Variants in LPP observed in about 807,000 individuals in gnomAD.
LPP encodes lipoma-preferred partner.
A neutral mutation model predicts 60.4 loss-of-function variants in LPP; 38 were observed. The observed-to-expected ratio is 0.63, with a 90% confidence interval of 0.49 to 0.83. The LOEUF is 0.83. Among genes scored for constraint, LPP ranks in the 40% least tolerant of loss-of-function variants. LPP has a pLI of 0.00. For missense variants in LPP, 902 were observed against 783.6 expected (o/e 1.15, Z -1.80); for synonymous variants, 328 against 290.8 (o/e 1.13, Z -1.30).
chr3:188,311,206 G>A (rs959464546), intron 2 of LPP, among the ~76,000 whole-genome samples: 1 of 147,800 alleles, frequency 6.8e-6, no homozygotes, highest in African/African-American at 2.5e-5. Flanking sequence ...CTCTCTCTCT[G>A]TCTACTGTCA....
chr3:188,695,480 G>A (rs1863044723), intron 7 of LPP, among the ~76,000 whole-genome samples: 1 of 152,174 alleles, frequency 6.6e-6, no homozygotes. Context: ...GACAGACTGT[G>A]TGTGAGCATT....
intron 8 of LPP, among the ~76,000 whole-genome samples, chr3:188,757,762 A>G (rs1416325065): frequency 6.6e-6 from 1 of 152,170 alleles, no homozygotes; most frequent in East Asian, 1.9e-4. Context: ...TGGATTGGTA[A>G]TCCATTTACT....
intron 6 of LPP, among the ~76,000 whole-genome samples, chr3:188,602,784 T>A (rs1841653769): frequency 6.6e-6 from 1 of 151,068 alleles, no homozygotes; most frequent in African/African-American, 2.4e-5. Context: ...GTTGTTCAGA[T>A]GAAGAGTCAG....
At chr3:188,381,258 T>A (rs2148545858) in intron 3 of LPP, among the ~76,000 whole-genome samples, 1 of 152,362 alleles carries the variant, frequency 6.6e-6, no homozygotes, top group South Asian at 2.1e-4. Context: ...TGCTCCTTTT[T>A]GACCTTTACT....
chr3:188,702,661 G>A (rs1002579421), intron 7 of LPP, among the ~76,000 whole-genome samples: 6 of 152,134 alleles, frequency 3.9e-5, no homozygotes, highest in African/African-American at 1.4e-4. Flanking sequence ...ATCATATAAC[G>A]TTAACTTGCC....
intron 9 of LPP, among the ~76,000 whole-genome samples, chr3:188,808,468 T>C (rs775962035): frequency 6.6e-6 from 1 of 152,080 alleles, no homozygotes. Flanking sequence ...TCTTTTCCCC[T>C]ACCTATGATG....
At chr3:188,336,151 G>C (rs1245225632) in intron 2 of LPP, among the ~76,000 whole-genome samples, 2 of 152,032 alleles carry the variant, frequency 1.3e-5, no homozygotes, top group Non-Finnish European at 2.9e-5. Flanking sequence ...TTAGCCAAGG[G>C]GACTGCTCTT....
intron 2 of LPP, among the ~76,000 whole-genome samples, chr3:188,250,566 C>T (rs1728757322): frequency 6.6e-6 from 1 of 152,170 alleles, no homozygotes; most frequent in Admixed American, 6.5e-5. Context: ...CCTAAACCAG[C>T]ATTTACTATG....
At chr3:188,503,524 T>G (rs1812542878) in intron 5 of LPP, among the ~76,000 whole-genome samples, 1 of 152,198 alleles carries the variant, frequency 6.6e-6, no homozygotes, top group Non-Finnish European at 1.5e-5. Context: ...CTGACATCTG[T>G]ATTTCTTTGT....
chr3:188,812,504 A>G (rs1281341357), intron 9 of LPP, among the ~76,000 whole-genome samples: 1 of 152,190 alleles, frequency 6.6e-6, no homozygotes, highest in Non-Finnish European at 1.5e-5. Flanking sequence ...AAGAACTGAA[A>G]AAAGCACAAT....
At position 188,217,510 on chromosome 3, in the gene LPP, G is replaced by A. The variant is rs536058037; in HGVS notation, c.-189-7895G>A. On this transcript the variant is annotated intron_variant, in intron 1 of 11. Transcript: ENST00000617246. This position sits in a 1 kb window ranked among gnomAD's most constrained non-coding sequence, Gnocchi z 4.0. ...TGTGGAGGGAACCTGATAGTAAAAGGGAGTCAAGGGTAGAAGCAAGAAGGT... is the reference window on the plus strand; with the variant it reads ...TGTGGAGGGAACCTGATAGTAAAAGAGAGTCAAGGGTAGAAGCAAGAAGGT... 9.2e-5 allele frequency among the ~76,000 whole-genome samples: 14 copies of A among 152,254 alleles called. No individual in the cohort carries two copies. The highest frequency in any genetic ancestry group is 3.4e-4 in the African/African-American group (14 of 41,536).
chr3:188,556,013 C>T (rs1829379079), intron 6 of LPP, among the ~76,000 whole-genome samples: 4 of 151,974 alleles, frequency 2.6e-5, no homozygotes, highest in Admixed American at 2.6e-4. Flanking sequence ...CAGTGGTGTC[C>T]AGAAATGAAG....
At chr3:188,325,098 A>G (rs1193139403) in intron 2 of LPP, among the ~76,000 whole-genome samples, 1 of 151,938 alleles carries the variant, frequency 6.6e-6, no homozygotes, top group Admixed American at 6.6e-5. Context: ...CTCCTGCCTC[A>G]GCCTCCCGAG....
At chr3:188,242,261 T>G (rs552981546) in intron 2 of LPP, among the ~76,000 whole-genome samples, 1 of 152,294 alleles carries the variant, frequency 6.6e-6, no homozygotes, top group African/African-American at 2.4e-5. Context: ...TCAACCTATT[T>G]CTAACTTATA....
At chr3:188,770,687 G>A (rs535808994) in intron 9 of LPP, among the ~76,000 whole-genome samples, 1 of 152,218 alleles carries the variant, frequency 6.6e-6, no homozygotes, top group African/African-American at 2.4e-5. Flanking sequence ...AATCTTAAAA[G>A]TAAACCTGAA....
intron 9 of LPP, among the ~76,000 whole-genome samples, chr3:188,806,977 A>AT (rs1749343963): frequency 6.6e-6 from 1 of 151,796 alleles, no homozygotes; most frequent in African/African-American, 2.4e-5. Context: ...TCAGCACTTT[A>AT]TTTTTTTGTA....
intron 7 of LPP, among the ~76,000 whole-genome samples, chr3:188,639,171 T>C (rs934483272): frequency 1.3e-5 from 2 of 152,188 alleles, no homozygotes; most frequent in Admixed American, 6.5e-5. Flanking sequence ...AACAGTGATA[T>C]AGATCAATGG....
At chr3:188,587,313 G>T (rs1837685396) in intron 6 of LPP, among the ~76,000 whole-genome samples, 1 of 936 alleles carries the variant, frequency 1.1e-3, no homozygotes, top group Non-Finnish European at 0.013. Flanking sequence ...ACTGCAGTCC[G>T]CAGTCCGGCC....
At chr3:188,559,879 A>G (rs1367378450) in intron 6 of LPP, among the ~76,000 whole-genome samples, 1 of 152,102 alleles carries the variant, frequency 6.6e-6, no homozygotes, top group African/African-American at 2.4e-5. Context: ...TTTGAATGCC[A>G]GCTTTTCACA....
Sources: allele counts gnomAD v4.1 joint callset (sites outside exome capture counted in the v4.1 genomes callset), GRCh38; gene constraint gnomAD v4.1.1; non-coding constraint Gnocchi (gnomAD v3.1); transcripts MANE v1.5; gene names NCBI Gene and HGNC (gene_info 2026-07-23, HGNC 2026-07-21).